Variants in CDK11B observed in about 807,000 individuals in gnomAD.
CDK11B encodes the protein cyclin-dependent kinase 11B.
CDK11B carries 37 observed loss-of-function variants against 84.0 expected under a neutral mutation model. The observed-to-expected ratio is 0.44, with a 90% CI of 0.34 to 0.58. The LOEUF (loss-of-function observed/expected upper bound fraction) is 0.58, where lower values mean the gene tolerates loss of function less well. Ranked by LOEUF, CDK11B falls within the 20% of genes least tolerant of loss-of-function variation. The pLI is 0.02. For missense variants in CDK11B, 427 were observed against 834.0 expected, an observed-to-expected ratio of 0.51 and a Z score of 6.01; for synonymous variants, 269 against 309.8, an observed-to-expected ratio of 0.87 and a Z score of 1.38.
chr1:1,655,223 A>C (rs1642583939), intron 3 of CDK11B, 146 bp downstream of exon 3: 2 of 1,044,550 alleles, frequency 1.9e-6, no homozygotes, highest in Non-Finnish European at 2.6e-6. Flanking sequence ...TAAAAACCTC[A>C]ATAGTTACGC....
intron 1 of CDK11B, 104 bp from the exon 2 acceptor site, chr1:1,657,602 A>G (rs1331637766): frequency 4.3e-5 from 39 of 902,218 alleles, no homozygotes; most frequent in African/African-American, 5.7e-5. Context: ...AATCCTCATT[A>G]AGAATAAGAA....
At chr1:1,638,787 A>C (rs1639791892) in intron 11 of CDK11B, among the ~76,000 whole-genome samples, 197 bp from the exon 12 acceptor site, 1 of 152,186 alleles carries the variant, frequency 6.6e-6, no homozygotes, top group Admixed American at 6.5e-5. Context: ...CTTTATTATG[A>C]AACAAAACCA....
chr1:1,650,081 T>G (rs1336147137), intron 4 of CDK11B, among the ~76,000 whole-genome samples: 142 of 148,234 alleles, frequency 9.6e-4, no homozygotes, highest in South Asian at 5.8e-3. Context: ...CCATCCTGGC[T>G]AACACGGTGA....
intron 11 of CDK11B, among the ~76,000 whole-genome samples, chr1:1,640,058 C>G (rs1013661701): frequency 4.6e-5 from 7 of 151,734 alleles, no homozygotes; most frequent in African/African-American, 1.7e-4. Context: ...AGCAGTCCTG[C>G]GGGCAGCTCC....
At chr1:1,657,343 A>G (rs1642895977) in intron 2 of CDK11B, 32 bp downstream of exon 2, 2 of 1,613,660 alleles carry the variant, frequency 1.2e-6, no homozygotes, top group Non-Finnish European at 1.7e-6. Context: ...ATCTCCTTTA[A>G]GAAAACCACT....
chr1:1,655,252 G>A (rs1379576949), intron 3 of CDK11B, 117 bp downstream of exon 3: 2 of 1,279,784 alleles, frequency 1.6e-6, no homozygotes, highest in East Asian at 2.6e-5. Context: ...AGTAACTCTA[G>A]GAAAGAGTAA....
intron 2 of CDK11B, among the ~76,000 whole-genome samples, chr1:1,655,779 G>A (rs1413406592): frequency 6.6e-6 from 1 of 151,980 alleles, no homozygotes; most frequent in Non-Finnish European, 1.5e-5. Context: ...AAAATTAGCT[G>A]GGCGTAGTGA....
Position 1,658,918 on chromosome 1 carries a change from ACGCCGCCGCCGCTGCCGCCGC to A in CDK11B, c.-39_-19del, listed in dbSNP as rs561872754. 33 of 192,184 alleles carry A rather than the reference ACGCCGCCGCCGCTGCCGCCGC, an allele frequency of 1.7e-4. No homozygotes were observed. Among genetic ancestry groups the A allele is most frequent in the South Asian group, 1.6e-3 (22 of 14,042 alleles). The allele number at this position is 192,184 out of a possible 1,614,324, so 11.9% of individuals were successfully genotyped here. On this transcript the variant is annotated 5_prime_UTR_variant, in exon 1 of 20. Transcript: ENST00000341832. ...GTCCGCCCAGTCGGAACTCACCCCT[ACGCCGCCGCCGCTGCCGCCGC>A]CGCCGCCGCCGGTCCCGGAGCCAGA...
rs1198088331 is a variant in CDK11B, at chr1:1,649,314, G to A, written c.494+185C>T. Reference sequence around the variant, plus strand: ...GACGGGGTTTCACCATGTCAGCCAGGATGGTCTCCATCTCCTCACCTCATG... The same window carrying A: ...GACGGGGTTTCACCATGTCAGCCAGAATGGTCTCCATCTCCTCACCTCATG... On this transcript the variant is annotated intron_variant, in intron 5 of 19. Coordinates refer to ENST00000341832, the MANE Select transcript of CDK11B (RefSeq NM_033486.3). Among the ~76,000 whole-genome samples, 7 of 152,034 alleles carry A rather than the reference G, an allele frequency of 4.6e-5. No individual in the cohort carries two copies. In the East Asian group the frequency reaches 5.8e-4, roughly 13 times the overall value.
At chr1:1,650,869 G>C (rs1403055449) in intron 4 of CDK11B, among the ~76,000 whole-genome samples, 1 of 151,650 alleles carries the variant, frequency 6.6e-6, no homozygotes, top group Non-Finnish European at 1.5e-5. Context: ...TAATTATGAA[G>C]AAAGAAGAAA....
At chr1:1,646,002 G>T (rs762565997) in intron 5 of CDK11B, 1 of 482,780 alleles carries the variant, frequency 2.1e-6, no homozygotes, top group Non-Finnish European at 4.2e-6. Context: ...CCACACCCAG[G>T]TGATTTTTGT....
chr1:1,641,075 G>A lies in CDK11B; in HGVS notation c.1048C>T (p.Arg350Ter), dbSNP rs1344206965. The change falls in exon 10 of 20, where the codon CGA becomes TGA. Residue 350 changes from arginine to a stop codon, truncating the protein, a stop_gained. Coordinates refer to ENST00000341832, the MANE Select transcript of CDK11B (RefSeq NM_033486.3). LOFTEE classifies it high-confidence loss of function. ...ACCAAGAGGTGGTTTTCATTTTCTC[G>A]TTCTTCATCTTCACTCATTTCTTCC... ...SEEEMSEDEE[R>*]ENENHLLVVP... 8.1e-6 allele frequency: 13 copies of A among 1,597,244 alleles called. No individual in the cohort carries two copies. The highest frequency in any genetic ancestry group is 1.4e-5 in the African/African-American group (1 of 73,906).
intron 3 of CDK11B, among the ~76,000 whole-genome samples, chr1:1,653,240 G>C (rs1305756193): frequency 1.3e-5 from 2 of 150,586 alleles, no homozygotes; most frequent in Non-Finnish European, 3.0e-5. Flanking sequence ...GGTCAGGCTG[G>C]TCTCAAACTT....
intron 4 of CDK11B, among the ~76,000 whole-genome samples, chr1:1,650,837 A>G (rs1247734182): frequency 6.6e-6 from 1 of 152,136 alleles, no homozygotes; most frequent in East Asian, 1.9e-4. Flanking sequence ...TTGAAAATAA[A>G]AAACTATCTG....
In CDK11B at chr1:1,637,008, C is replaced by A. The variant is rs756434037; in HGVS notation, c.1693-4G>T. ...GCGCCAGCCCGAAGTCACCCACCTG[C>A]AACGACAGATGGGCGGCTGTGAGTG... On this transcript the variant is annotated splice_region_variant and splice_polypyrimidine_tract_variant and intron_variant, in intron 15 of 19. Coordinates refer to ENST00000341832, the MANE Select transcript of CDK11B (RefSeq NM_033486.3). The A allele has an allele frequency of 4.7e-5, 75 of 1,612,652 alleles. 1 individual carries two copies. In the South Asian group the frequency reaches 7.4e-4, roughly 16 times the overall value.
Position 1,637,013 on chromosome 1 carries a change from A to C in CDK11B, c.1693-9T>G. ...AGCCCGAAGTCACCCACCTGCAACG[A>C]CAGATGGGCGGCTGTGAGTGGGCCC... On this transcript the variant is annotated splice_polypyrimidine_tract_variant and intron_variant, in intron 15 of 19. Coordinates refer to ENST00000341832, the MANE Select transcript of CDK11B (RefSeq NM_033486.3). 1.2e-6 allele frequency: 2 copies of C among 1,612,898 alleles called. No homozygotes were observed. Among genetic ancestry groups the C allele is most frequent in the Non-Finnish European group, 1.7e-6 (2 of 1,179,510 alleles).
At chr1:1,637,035 G>C (rs769759032) in intron 15 of CDK11B, 31 bp from the exon 16 acceptor site, 1 of 1,613,162 alleles carries the variant, frequency 6.2e-7, no homozygotes, top group South Asian at 1.1e-5. Flanking sequence ...CTGTGAGTGG[G>C]CCCCGGCAGG....
rs1639284330 is a variant in CDK11B, at chr1:1,636,368, A to C, written c.2031T>G (p.Ala677=). Residue 677 remains alanine, a synonymous_variant, in exon 18 of 20, where the codon GCT becomes GCG. Coordinates refer to ENST00000341832, the MANE Select transcript of CDK11B (RefSeq NM_033486.3). ...PYNNLRKRFG[A]LLSDQGFDLM... is the part of the protein sequence containing the mutation. ...GGTCGAAGCCCTGGTCTGAGAGCAGAGCCCCGAAGCGCTTGCGGAGGTTGT... is the reference window on the plus strand; with the variant it reads ...GGTCGAAGCCCTGGTCTGAGAGCAGCGCCCCGAAGCGCTTGCGGAGGTTGT... The C allele has an allele frequency of 6.3e-7, 1 of 1,598,050 alleles. No homozygotes were observed. Among genetic ancestry groups the C allele is most frequent in the Admixed American group, 1.7e-5 (1 of 57,612 alleles).
intron 3 of CDK11B, among the ~76,000 whole-genome samples, chr1:1,654,469 G>A (rs1372952019): frequency 6.6e-6 from 1 of 151,216 alleles, no homozygotes; most frequent in Non-Finnish European, 1.5e-5. Flanking sequence ...TTTGTGTAGA[G>A]ACGAGGTCTC....
Sources: allele counts gnomAD v4.1 joint callset (sites outside exome capture counted in the v4.1 genomes callset), GRCh38; gene constraint gnomAD v4.1.1; transcripts MANE v1.5; gene names NCBI Gene and HGNC (gene_info 2026-07-23, HGNC 2026-07-21).